The following STON2 variants were observed in gnomAD, a reference collection of about 807,000 sequenced individuals.
STON2 encodes stonin 2, also known as stonin-2.
STON2 carries 29 observed loss-of-function variants against 65.7 expected under a neutral mutation model. The ratio of observed to expected loss-of-function variants is 0.44; its 90% confidence interval spans 0.33 to 0.60. The LOEUF is 0.60. Among genes scored for constraint, STON2 ranks in the 20% least tolerant of loss-of-function variants. The pLI, the probability that STON2 is intolerant of heterozygous loss-of-function variation, is 0.03. For missense variants in STON2, 1,054 were observed against 1,118.1 expected (o/e 0.94, Z 0.82); for synonymous variants, 404 against 414.2 (o/e 0.98, Z 0.30).
chr14:81,358,615 T>C (rs1474143003), intron 4 of STON2, among the ~76,000 whole-genome samples: 1 of 151,980 alleles, frequency 6.6e-6, no homozygotes, highest in Non-Finnish European at 1.5e-5. Flanking sequence ...ACTGCATGGA[T>C]AAAAAAACAA....
intron 2 of STON2, among the ~76,000 whole-genome samples, chr14:81,406,306 C>A (rs926154006): frequency 6.6e-6 from 1 of 152,174 alleles, no homozygotes; most frequent in Non-Finnish European, 1.5e-5. Flanking sequence ...ACACACAGGG[C>A]TTGGTTCTAG....
rs544876614 is a variant in STON2, at chr14:81,332,700, A to G, written c.572-8513T>C. Among the ~76,000 whole-genome samples the G allele has an allele frequency of 3.9e-5, 6 of 152,360 alleles. No individual in the cohort carries two copies. The East Asian group carries it at 9.6e-4, about 24-fold the overall frequency. ...GGGAAGAAGCTGTCATATGAAAAAA[A>G]GATTAGATTTGCTCTTTATGGATTC... On this transcript the variant is annotated intron_variant, in intron 4 of 7. Coordinates refer to ENST00000614646, the MANE Select transcript of STON2 (RefSeq NM_001394390.1).
At chr14:81,300,088 C>T (rs1304806985) in intron 5 of STON2, among the ~76,000 whole-genome samples, 4 of 151,798 alleles carry the variant, frequency 2.6e-5, no homozygotes, top group African/African-American at 4.8e-5. Flanking sequence ...AAGACAATCT[C>T]ATAGGAAAGA....
chr14:81,427,104 G>A (rs1902014717), exon 2 of STON2: 1 of 152,170 alleles, frequency 6.6e-6, no homozygotes, highest in African/African-American at 2.4e-5. Flanking sequence ...TAGCTTACCT[G>A]AAACCGCACA....
intron 4 of STON2, among the ~76,000 whole-genome samples, chr14:81,328,786 T>C (rs1897092724): frequency 6.6e-6 from 1 of 152,080 alleles, no homozygotes; most frequent in Non-Finnish European, 1.5e-5. Context: ...GAGAGCTGGC[T>C]GTCAAAAAAA....
intron 5 of STON2, among the ~76,000 whole-genome samples, chr14:81,307,062 A>G (rs974291632): frequency 2.6e-5 from 4 of 152,254 alleles, no homozygotes; most frequent in South Asian, 4.1e-4. Context: ...TCTGACTGTT[A>G]TAACTGGAAG....
intron 5 of STON2, among the ~76,000 whole-genome samples, chr14:81,292,911 T>C (rs1317950590): frequency 6.6e-6 from 1 of 152,176 alleles, no homozygotes; most frequent in Non-Finnish European, 1.5e-5. Flanking sequence ...AGAGAAGGAA[T>C]ATTGTATTGC....
intron 3 of STON2, among the ~76,000 whole-genome samples, chr14:81,384,268 GAC>G (rs1296661172): frequency 6.6e-6 from 1 of 151,074 alleles, no homozygotes; most frequent in Non-Finnish European, 1.5e-5. Context: ...ATTTTTTGGA[GAC>G]ACAGTCTTGT....
chr14:81,316,135 A>C (rs1319426972), intron 5 of STON2, among the ~76,000 whole-genome samples: 4 of 152,208 alleles, frequency 2.6e-5, no homozygotes, highest in Admixed American at 1.3e-4. Flanking sequence ...GAAATAGTAT[A>C]ATCTGTCAGG....
At chr14:81,310,095 TAAAACCCTAA>T (rs1896365523) in intron 5 of STON2, among the ~76,000 whole-genome samples, 1 of 152,198 alleles carries the variant, frequency 6.6e-6, no homozygotes, top group South Asian at 2.1e-4. Context: ...ATCTTGTCTT[TAAAACCCTAA>T]AATTCATATA....
At chr14:81,362,300 C>T (rs1898529518) in intron 4 of STON2, among the ~76,000 whole-genome samples, 1 of 152,046 alleles carries the variant, frequency 6.6e-6, no homozygotes, top group African/African-American at 2.4e-5. Context: ...TACTATTTAG[C>T]CTTTAAAAAG....
intron 5 of STON2, among the ~76,000 whole-genome samples, chr14:81,314,370 T>C (rs115206760): frequency 0.025 from 3,773 of 152,342 alleles, 162 homozygotes; most frequent in African/African-American, 0.087. Flanking sequence ...TATATTCAAA[T>C]GGTCTATAGT....
intron 2 of STON2, among the ~76,000 whole-genome samples, chr14:81,414,452 T>A (rs1901321836): frequency 6.6e-6 from 1 of 152,146 alleles, no homozygotes; most frequent in African/African-American, 2.4e-5. Context: ...TGACGCCAAA[T>A]GGACAGAGAA....
chr14:81,326,111 G>A (rs1040392384), intron 4 of STON2, among the ~76,000 whole-genome samples: 2 of 152,114 alleles, frequency 1.3e-5, no homozygotes, highest in South Asian at 2.1e-4. Flanking sequence ...ACACAAGAAC[G>A]GCAAAATAAA....
intron 3 of STON2, among the ~76,000 whole-genome samples, chr14:81,377,716 G>A (rs1899318825): frequency 6.6e-6 from 1 of 152,168 alleles, no homozygotes; most frequent in African/African-American, 2.4e-5. Flanking sequence ...TCTAATAGAT[G>A]TGCAGTGAAA....
intron 2 of STON2, among the ~76,000 whole-genome samples, chr14:81,406,972 T>C (rs1900897575): frequency 6.6e-6 from 1 of 152,168 alleles, no homozygotes; most frequent in Non-Finnish European, 1.5e-5. Flanking sequence ...TGATCTCTGT[T>C]TTCTTAGCTC....
chr14:81,276,255 A>AT (rs1249811143), intron 6 of STON2, among the ~76,000 whole-genome samples: 7 of 152,162 alleles, frequency 4.6e-5, no homozygotes, highest in Middle Eastern at 3.2e-3. Context: ...GCTGGTAAGC[A>AT]TTTTTTTGTT....
upstream of STON2, among the ~76,000 whole-genome samples, chr14:81,405,058 G>C (rs1414187815): frequency 6.6e-6 from 1 of 152,070 alleles, no homozygotes; most frequent in African/African-American, 2.4e-5. Context: ...TAGTGCATTT[G>C]GATGTAGTTT....
Position 81,296,296 on chromosome 14 carries a change from GATC to G in STON2, c.743-17560_743-17558del, listed in dbSNP as rs200724634. On this transcript the variant is annotated intron_variant, in intron 5 of 7. Transcript: ENST00000614646. ...GAAAATGTGGTGCTAGATAGAGAAC[GATC>G]AATGCTGATGATTTGTTTTATGAAG... is the stretch of plus-strand genomic sequence containing the variant. 8.8e-3 allele frequency among the ~76,000 whole-genome samples: 1,339 copies of G among 152,304 alleles called. 15 individuals carry two copies. Among genetic ancestry groups the G allele is most frequent in the African/African-American group, 0.031 (1,278 of 41,562 alleles).
Sources: allele counts gnomAD v4.1 joint callset (sites outside exome capture counted in the v4.1 genomes callset), GRCh38; gene constraint gnomAD v4.1.1; transcripts MANE v1.5; gene names NCBI Gene and HGNC (gene_info 2026-07-23, HGNC 2026-07-21).